MAP7D2: variants seen among roughly 807,000 people sequenced by gnomAD.
The protein encoded by MAP7D2 is MAP7 domain containing 2.
A neutral mutation model predicts 63.5 loss-of-function variants in MAP7D2; 33 were observed. That is an observed-to-expected ratio of 0.52 (90% CI 0.39 to 0.70). The LOEUF (loss-of-function observed/expected upper bound fraction) is 0.70, where lower values mean the gene tolerates loss of function less well. MAP7D2 is among the 30% of genes least tolerant of loss of function. The pLI is 0.00. For synonymous variants in MAP7D2, 224 were observed against 223.7 expected (o/e 1.00, Z -0.01); for missense variants, 626 against 604.0 (o/e 1.04, Z -0.38).
At chrX:20,038,435 G>C (rs901329843) in intron 8 of MAP7D2, among the ~76,000 whole-genome samples, 1 of 111,915 alleles carries the variant, frequency 8.9e-6, no homozygotes, top group Non-Finnish European at 1.9e-5. Flanking sequence ...ACAGTGGAAT[G>C]GCCTTTTGAA....
At chrX:20,096,775 T>C (rs935916348) in intron 1 of MAP7D2, among the ~76,000 whole-genome samples, 1 of 112,274 alleles carries the variant, frequency 8.9e-6, no homozygotes, top group African/African-American at 3.2e-5. Flanking sequence ...GTGAATTTTA[T>C]GTTATGTATA....
At chrX:20,110,838 T>C (rs1381200816) in intron 1 of MAP7D2, among the ~76,000 whole-genome samples, 2 of 110,689 alleles carry the variant, frequency 1.8e-5, no homozygotes, top group East Asian at 2.8e-4. Flanking sequence ...ACAGTAGATA[T>C]TCTCCAAAAG....
At chrX:20,116,586 G>A in intron 1 of MAP7D2, 164 bp downstream of exon 1, 1 of 969,239 alleles carries the variant, frequency 1.0e-6, no homozygotes, top group Non-Finnish European at 1.3e-6. Flanking sequence ...TGCGGCCCTT[G>A]GATGCACGTC....
rs199934348 is a variant in MAP7D2 at position 20,015,282 on chromosome X, G to A, written c.1690C>T (p.Arg564Cys). ...TKAREVAEQMRLEREQIMLQI... is the reference protein window; with the variant it reads ...TKAREVAEQMCLEREQIMLQI... ...AGCATAATCTGTTCTCTCTCGAGACGCATCTGTTCAGCTACCTCCCGGGCC... is the reference window on the plus strand; with the variant it reads ...AGCATAATCTGTTCTCTCTCGAGACACATCTGTTCAGCTACCTCCCGGGCC... The change falls in exon 12 of 17, where the codon CGT becomes TGT. Residue 564 changes from arginine (R) to cysteine (C), a missense_variant. By Grantham distance (180) the Arg-to-Cys change is radical (BLOSUM62 -3). Transcript: ENST00000379643. The A allele has an allele frequency of 1.2e-5, 14 of 1,209,090 alleles. No homozygotes were observed. Among genetic ancestry groups the A allele is most frequent in the Admixed American group, 8.7e-5 (4 of 45,719 alleles).
intron 1 of MAP7D2, among the ~76,000 whole-genome samples, chrX:20,094,487 CATATATAT>C (rs1216874865): frequency 2.2e-3 from 33 of 15,092 alleles, no homozygotes; most frequent in Non-Finnish European, 3.1e-3. Context: ...AAAATACATA[CATATATAT>C]ATATATATAT....
At position 20,042,524 on chromosome X, in the gene MAP7D2, G is replaced by A. The variant is rs1478709456; in HGVS notation, c.985C>T (p.Pro329Ser). Reference protein sequence around the residue: ...CEFSGGIPKRPSSPVISKTAT... With the variant: ...CEFSGGIPKRSSSPVISKTAT... Reference sequence around the variant, plus strand: ...TACTTGGATATCACAGGAGAAGATGGTCTCTTAGGAATGCCTCCAGAAAAC... The same window carrying A: ...TACTTGGATATCACAGGAGAAGATGATCTCTTAGGAATGCCTCCAGAAAAC... Residue 329 changes from proline (P) to serine (S), a missense_variant, in exon 8 of 17, where the codon CCA (proline) becomes TCA (serine). By Grantham distance (74) the Pro-to-Ser change is moderately conservative. Transcript: ENST00000379643. 1 of 1,211,111 alleles carries A rather than the reference G, an allele frequency of 8.3e-7. No individual in the cohort carries two copies. The highest frequency in any genetic ancestry group is 1.8e-5 in the South Asian group (1 of 56,929).
chrX:20,074,399 CT>C (rs1401910553), intron 1 of MAP7D2, among the ~76,000 whole-genome samples: 5 of 111,871 alleles, frequency 4.5e-5, no homozygotes, highest in African/African-American at 1.6e-4. Flanking sequence ...TCCAATTGAA[CT>C]TTTCAATCTT....
intron 8 of MAP7D2, among the ~76,000 whole-genome samples, chrX:20,028,650 C>T (rs887753141): frequency 9.0e-5 from 10 of 111,597 alleles, no homozygotes; most frequent in Non-Finnish European, 3.8e-5. Flanking sequence ...AGGTGAGTGG[C>T]GCCCACAGTA....
chrX:20,056,483 T>A (rs989785601), intron 4 of MAP7D2, among the ~76,000 whole-genome samples, 197 bp downstream of exon 4: 9 of 112,119 alleles, frequency 8.0e-5, no homozygotes, highest in African/African-American at 2.6e-4. Flanking sequence ...TCAAGAAGAA[T>A]GCACAGATCC....
intron 1 of MAP7D2, among the ~76,000 whole-genome samples, chrX:20,083,741 A>G (rs1040298365): frequency 8.9e-5 from 10 of 111,779 alleles, no homozygotes; most frequent in Non-Finnish European, 1.9e-4. Flanking sequence ...CTTACATTCT[A>G]ATACTGTGGT....
In MAP7D2 at chrX:20,050,987, TAAAAC is replaced by T. The variant is rs1184634035; in HGVS notation, c.596-46_596-42del. ...AAATGAAAATTTTAAAAAGCAAAAT[TAAAAC>T]AAAACAAAATAAAACATTTAAACAA... On this transcript the variant is annotated intron_variant, in intron 5 of 16. Transcript: ENST00000379643. The T allele has an allele frequency of 2.8e-6, 3 of 1,069,521 alleles. No individual in the cohort carries two copies. In the Admixed American group the frequency reaches 1.1e-4, roughly 39 times the overall value. The allele number at this position is 1,069,521 out of a possible 1,213,427, so 88.1% of individuals were successfully genotyped here.
intron 1 of MAP7D2, among the ~76,000 whole-genome samples, chrX:20,067,754 A>G (rs2065397853): frequency 8.9e-6 from 1 of 112,304 alleles, no homozygotes; most frequent in Non-Finnish European, 1.9e-5. Context: ...CCTTAGTCTT[A>G]GTGCTGTAAC....
intron 1 of MAP7D2, among the ~76,000 whole-genome samples, chrX:20,081,517 T>C (rs952306153): frequency 3.6e-5 from 4 of 111,691 alleles, no homozygotes; most frequent in Non-Finnish European, 7.5e-5. Flanking sequence ...CACAATTACA[T>C]GTATGTGGTT....
intron 1 of MAP7D2, among the ~76,000 whole-genome samples, chrX:20,074,336 G>C (rs1569116661): frequency 9.0e-6 from 1 of 110,905 alleles, no homozygotes; most frequent in Non-Finnish European, 1.9e-5. Context: ...GGAAATTCCA[G>C]GCAAGGGTAA....
chrX:20,115,897 T>G (rs1394929566), intron 1 of MAP7D2, among the ~76,000 whole-genome samples: 1 of 112,773 alleles, frequency 8.9e-6, no homozygotes. Context: ...ATAAAAAAGT[T>G]GTTGTCAGGA....
chrX:20,101,668 T>C (rs1460625974), intron 1 of MAP7D2, among the ~76,000 whole-genome samples: 1 of 112,320 alleles, frequency 8.9e-6, no homozygotes, highest in African/African-American at 3.2e-5. Context: ...GCAAGAGAAT[T>C]GATAAAACAA....
Position 20,012,519 on chromosome X carries a change from G to A in MAP7D2, c.1902C>T (p.Asn634=), listed in dbSNP as rs199994414. ...CCACACCATTAACTTCCTGGCAGGT[G>A]TTCAATCCATTGATTTCTGATCGAG... ...VPNKMEINGL[N]TCQEVNGVDH... is the part of the protein sequence containing the mutation. The change falls in exon 15 of 17, where the codon AAC becomes AAT. Residue 634 remains asparagine, a synonymous_variant. Coordinates refer to ENST00000379643, the MANE Select transcript of MAP7D2 (RefSeq NM_001168465.2). The A allele has an allele frequency of 1.3e-5, 15 of 1,181,382 alleles. No individual in the cohort carries two copies. Among genetic ancestry groups the A allele is most frequent in the Admixed American group, 2.4e-5 (1 of 41,641 alleles).
chrX:20,108,261 G>A (rs1323799121), intron 1 of MAP7D2, among the ~76,000 whole-genome samples: 1 of 106,638 alleles, frequency 9.4e-6, no homozygotes, highest in African/African-American at 3.5e-5. Flanking sequence ...TTGAGACAGA[G>A]TCTCACTCTG....
chrX:20,022,194 A>C (rs986060810), intron 10 of MAP7D2, among the ~76,000 whole-genome samples: 12 of 111,749 alleles, frequency 1.1e-4, no homozygotes, highest in African/African-American at 3.9e-4. Context: ...GCACAAGTCC[A>C]CGTGGGGGCA....
Sources: gnomAD v4.1 joint callset for allele counts (sites outside exome capture counted in the v4.1 genomes callset) on GRCh38, gnomAD v4.1.1 for gene constraint, MANE v1.5 for transcripts, NCBI Gene and HGNC (gene_info 2026-07-23, HGNC 2026-07-21) for gene names.